The following C4orf50 variants were observed in gnomAD, a reference collection of about 807,000 sequenced individuals.
C4orf50 encodes the protein chromosome 4 open reading frame 50, also known as uncharacterized protein C4orf50.
Under a neutral mutation model 77.2 loss-of-function variants are expected in C4orf50, and 80 were observed. That is an observed-to-expected ratio of 1.04 (90% CI 0.87 to 1.25). C4orf50 has a LOEUF of 1.25. Ranked by LOEUF, C4orf50 falls within the 50% of genes most tolerant of loss-of-function variation. C4orf50 has a pLI of 0.00. For synonymous variants in C4orf50, 532 were observed against 465.3 expected (o/e 1.14, Z -1.84); for missense variants, 1,257 against 1,152.9 (o/e 1.09, Z -1.31).
intron 7 of C4orf50, among the ~76,000 whole-genome samples, chr4:5,906,044 C>T (rs375725437): frequency 2.0e-5 from 3 of 152,004 alleles, no homozygotes; most frequent in East Asian, 1.9e-4. Context: ...ACAGTGGAGG[C>T]GCGGACAGCA....
chr4:5,951,357 G>C (rs1718707053), intron 7 of C4orf50, among the ~76,000 whole-genome samples: 1 of 152,110 alleles, frequency 6.6e-6, no homozygotes, highest in Non-Finnish European at 1.5e-5. Context: ...GGTGGCACAT[G>C]ATTGTGAAGC....
At chr4:5,944,681 C>T (rs923575328) in intron 7 of C4orf50, among the ~76,000 whole-genome samples, 2 of 152,018 alleles carry the variant, frequency 1.3e-5, no homozygotes, top group African/African-American at 2.4e-5. Flanking sequence ...CCACATGAAC[C>T]AGATGCACCC....
chr4:5,921,346 C>T (rs1198716255), intron 7 of C4orf50, among the ~76,000 whole-genome samples: 4 of 152,176 alleles, frequency 2.6e-5, no homozygotes, highest in African/African-American at 7.2e-5. Context: ...CCCAGTCAGG[C>T]GGTGGGCTGG....
intron 28 of C4orf50, among the ~76,000 whole-genome samples, chr4:5,986,072 T>C (rs757801767): frequency 6.6e-6 from 1 of 152,146 alleles, no homozygotes; most frequent in Non-Finnish European, 1.5e-5. Context: ...GAGTGGAAGA[T>C]TTTAAAACAT....
rs1486331822 is a variant in C4orf50 at position 6,008,415 on chromosome 4, G to C, written c.544C>G (p.Arg182Gly). Reference sequence around the variant, plus strand: ...AGGCCCAGCTGGCGCCGCTGGGTCCGCCGGCAGCGCTCCAGGGCCGCCGCC... The same window carrying C: ...AGGCCCAGCTGGCGCCGCTGGGTCCCCCGGCAGCGCTCCAGGGCCGCCGCC... The change falls in exon 25 of 34, where the codon CGG becomes GGG. Residue 182 changes from arginine to glycine, a missense_variant. Coordinates refer to ENST00000531445, the Ensembl canonical transcript of C4orf50. The surrounding 1 kb of genome is among the most constrained non-coding windows in gnomAD (Gnocchi z 6.0). 1.0e-5 allele frequency: 4 copies of C among 395,006 alleles called. No homozygotes were observed. The highest frequency in any genetic ancestry group is 1.8e-5 in the Non-Finnish European group (4 of 223,760). The allele number at this position is 395,006 out of a possible 1,614,324, so 24.5% of individuals were successfully genotyped here.
At chr4:5,913,533 T>C (rs373811388) in intron 7 of C4orf50, among the ~76,000 whole-genome samples, 1 of 152,216 alleles carries the variant, frequency 6.6e-6, no homozygotes, top group African/African-American at 2.4e-5. Context: ...ATAAAATGCT[T>C]TCTTCTCAAA....
chr4:5,998,363 T>C (rs1461459717), intron 25 of C4orf50, among the ~76,000 whole-genome samples: 3 of 152,196 alleles, frequency 2.0e-5, no homozygotes, highest in African/African-American at 4.8e-5. Flanking sequence ...TCGACATTAT[T>C]GACACTGCTT....
At chr4:5,953,631 T>C (rs980897113), downstream of C4orf50, among the ~76,000 whole-genome samples, 1 of 151,970 alleles carries the variant, frequency 6.6e-6, no homozygotes, top group Non-Finnish European at 1.5e-5. Context: ...CCTGGGAGAG[T>C]GCCAGCCTCC....
intron 7 of C4orf50, among the ~76,000 whole-genome samples, chr4:5,944,947 G>A (rs747416970): frequency 7.9e-5 from 12 of 152,246 alleles, no homozygotes; most frequent in East Asian, 5.8e-4. Context: ...TATTCCACAC[G>A]GAAAGAAACT....
chr4:5,934,752 A>T (rs75163399), intron 7 of C4orf50, among the ~76,000 whole-genome samples: 4,057 of 152,314 alleles, frequency 0.027, 140 homozygotes, highest in African/African-American at 0.08. Flanking sequence ...TAACAATAGC[A>T]ACAACAATAA....
chr4:5,962,077 G>A (rs1187929079), intron 33 of C4orf50, among the ~76,000 whole-genome samples: 4 of 152,198 alleles, frequency 2.6e-5, no homozygotes, highest in African/African-American at 9.7e-5. Context: ...AACCAAGACT[G>A]CAGCGAAAAT....
intron 7 of C4orf50, among the ~76,000 whole-genome samples, chr4:5,933,451 C>G (rs1392217847): frequency 6.6e-6 from 1 of 152,208 alleles, no homozygotes; most frequent in African/African-American, 2.4e-5. Context: ...CCATATTCCC[C>G]ATCTGCTGTG....
chr4:5,943,167 C>G (rs1718334615), intron 7 of C4orf50, among the ~76,000 whole-genome samples: 1 of 152,184 alleles, frequency 6.6e-6, no homozygotes, highest in African/African-American at 2.4e-5. Flanking sequence ...CCTCGTTCCT[C>G]ACAGAAGCGG....
At chr4:5,988,531 G>T in exon 28 of C4orf50, 1 of 1,537,580 alleles carries the variant, frequency 6.5e-7, no homozygotes, top group South Asian at 1.2e-5. Flanking sequence ...ACCGCGTCTG[G>T]AATTCCCGGT....
intron 7 of C4orf50, among the ~76,000 whole-genome samples, chr4:5,918,065 G>C (rs962326540): frequency 6.6e-6 from 1 of 152,158 alleles, no homozygotes; most frequent in Admixed American, 6.5e-5. Flanking sequence ...AAGAAACTGT[G>C]CTGTCACTTC....
intron 31 of C4orf50, among the ~76,000 whole-genome samples, chr4:5,972,658 G>A (rs1719993581): frequency 1.3e-5 from 2 of 152,238 alleles, no homozygotes; most frequent in South Asian, 4.1e-4. Flanking sequence ...GAGCTGCAGA[G>A]AGAGACTCAG....
chr4:6,003,656 GTGATGATGGTGATGGTGATGATAGTGA>G (rs1721951906), intron 25 of C4orf50, among the ~76,000 whole-genome samples: 1 of 142,826 alleles, frequency 7.0e-6, no homozygotes, highest in Admixed American at 6.9e-5. Context: ...AGTGATGATG[GTGATGATGGTGATGGTGATGATAGTGA>G]TGATGGTGAT....
chr4:5,946,103 G>A (rs1577917585), intron 7 of C4orf50, among the ~76,000 whole-genome samples: 1 of 152,338 alleles, frequency 6.6e-6, no homozygotes, highest in East Asian at 1.9e-4. Flanking sequence ...AGGAGCGGCA[G>A]CGCCCTCTCC....
At chr4:5,964,162 G>C (rs1719422555) in intron 33 of C4orf50, among the ~76,000 whole-genome samples, 1 of 152,204 alleles carries the variant, frequency 6.6e-6, no homozygotes, top group African/African-American at 2.4e-5. Flanking sequence ...TTTCCCTCGA[G>C]GTGAAGGCAG....
Sources: gnomAD v4.1 joint callset for allele counts (sites outside exome capture counted in the v4.1 genomes callset) on GRCh38, gnomAD v4.1.1 for gene constraint, Gnocchi (gnomAD v3.1) non-coding constraint, MANE v1.5 for transcripts, NCBI Gene and HGNC (gene_info 2026-07-23, HGNC 2026-07-21) for gene names.